The following LGR6 variants were observed in gnomAD, a reference collection of about 807,000 sequenced individuals.
LGR6 encodes the protein leucine rich repeat containing G protein-coupled receptor 6, also known as leucine-rich repeat-containing G protein-coupled receptor 6.
Under a neutral mutation model 69.4 loss-of-function variants are expected in LGR6, and 45 were observed. That is an observed-to-expected ratio of 0.65 (90% confidence interval 0.51 to 0.83). LGR6 has a LOEUF of 0.83. LGR6 is among the 40% of genes least tolerant of loss of function. The pLI is 0.00. For synonymous variants in LGR6, 538 were observed against 555.0 expected, an observed-to-expected ratio of 0.97 and a Z score of 0.43; for missense variants, 1,108 against 1,246.7, an observed-to-expected ratio of 0.89 and a Z score of 1.68.
intron 6 of LGR6, 89 bp from the exon 7 acceptor site, chr1:202,297,419 C>T (rs788827): frequency 0.62 from 670,265 of 1,075,230 alleles, 211,174 homozygotes; most frequent in East Asian, 0.74. Context: ...TCTCCCTGGC[C>T]AAGCCCAGAG....
intron 1 of LGR6, chr1:202,203,672 T>A: frequency 1.3e-6 from 1 of 742,074 alleles, no homozygotes; most frequent in African/African-American, 1.8e-5. Flanking sequence ...TGACCTGTTG[T>A]AGGAAGTGAG....
chr1:202,318,492 TG>T lies in LGR6; in HGVS notation c.2192del (p.Gly731AlafsTer7). 1 of 1,613,954 alleles carries T rather than the reference TG, an allele frequency of 6.2e-7. No individual in the cohort carries two copies. The highest frequency in any genetic ancestry group is 8.5e-7 in the Non-Finnish European group (1 of 1,179,970). On this transcript the variant is annotated frameshift_variant, in exon 18 of 18. Coordinates refer to ENST00000367278, the MANE Select transcript of LGR6 (RefSeq NM_001017403.2). LOFTEE classifies it low-confidence loss of function (END_TRUNC). ...YAPPEGQPAA[L>X]GFTVALVMMN... is the part of the protein sequence containing the mutation. ...CCACCTGAGGGTCAGCCAGCAGCCC[TG>T]GGCTTCACCGTGGCCCTGGTGATGA... is the stretch of plus-strand genomic sequence containing the variant.
intron 6 of LGR6, among the ~76,000 whole-genome samples, chr1:202,288,606 T>C (rs1030211695): frequency 6.6e-6 from 1 of 152,178 alleles, no homozygotes; most frequent in African/African-American, 2.4e-5. Context: ...CTCCGAGATA[T>C]GCAGTCTCTA....
Position 202,300,831 on chromosome 1 carries a change from CCTGGTGTTGTCTTCCAG to C in LGR6, c.786-17_786-1del. On this transcript the variant is annotated splice_acceptor_variant and splice_polypyrimidine_tract_variant and intron_variant, in intron 7 of 17. Coordinates refer to ENST00000367278, the MANE Select transcript of LGR6 (RefSeq NM_001017403.2). LOFTEE classifies it high-confidence loss of function. The stretch of plus-strand genomic sequence containing the variant: ...ACCTTTCTCCAAATCCTCACTGGTT[CCTGGTGTTGTCTTCCAG>C]GGGGTTCCATAACAACAACATCAAG... 1 of 1,593,246 alleles carries C rather than the reference CCTGGTGTTGTCTTCCAG, an allele frequency of 6.3e-7. No individual in the cohort carries two copies. Among genetic ancestry groups the C allele is most frequent in the Non-Finnish European group, 8.6e-7 (1 of 1,168,518 alleles).
chr1:202,193,882 G>A lies in LGR6; in HGVS notation c.-108G>A. ...CGCCGCCCAATAGAGCCCCTGGGGCGGTCCCCACCGACGGTGCAGCCCGCC... is the reference window on the plus strand; with the variant it reads ...CGCCGCCCAATAGAGCCCCTGGGGCAGTCCCCACCGACGGTGCAGCCCGCC... On this transcript the variant is annotated 5_prime_UTR_variant, in exon 1 of 18. Coordinates refer to ENST00000367278, the MANE Select transcript of LGR6 (RefSeq NM_001017403.2). 1.7e-6 allele frequency: 1 copy of A among 599,356 alleles called. No individual in the cohort carries two copies. Among genetic ancestry groups the A allele is most frequent in the Non-Finnish European group, 2.3e-6 (1 of 425,734 alleles). 37.1% of individuals were successfully genotyped at this position (599,356 alleles called of 1,614,324 possible). A position where few individuals can be genotyped will look rare whatever the true frequency, so the allele number is the denominator to read the frequency against.
At chr1:202,275,682 G>T (rs1229448078) in intron 4 of LGR6, among the ~76,000 whole-genome samples, 5 of 152,208 alleles carry the variant, frequency 3.3e-5, no homozygotes, top group African/African-American at 1.2e-4. Flanking sequence ...AACAGGTGGT[G>T]CTAGGGATGG....
At chr1:202,254,278 G>A (rs974691451) in intron 4 of LGR6, among the ~76,000 whole-genome samples, 1 of 152,182 alleles carries the variant, frequency 6.6e-6, no homozygotes, top group African/African-American at 2.4e-5. Flanking sequence ...TCCAGAACTG[G>A]CTCCTACCAC....
intron 1 of LGR6, among the ~76,000 whole-genome samples, chr1:202,195,537 G>A (rs1658607967): frequency 6.6e-6 from 1 of 152,206 alleles, no homozygotes; most frequent in Admixed American, 6.5e-5. Context: ...CAGTGCAGTA[G>A]GTGACGGCAG....
At chr1:202,299,259 CA>C (rs940683421) in intron 7 of LGR6, among the ~76,000 whole-genome samples, 1,430 of 67,122 alleles carry the variant, frequency 0.021, 6 homozygotes, top group East Asian at 0.041. Context: ...GACTCTGTCT[CA>C]AAAAAAAAAA....
At chr1:202,269,117 G>A (rs988168764) in intron 4 of LGR6, among the ~76,000 whole-genome samples, 1 of 152,032 alleles carries the variant, frequency 6.6e-6, no homozygotes, top group Non-Finnish European at 1.5e-5. Context: ...TTTTGTCCAG[G>A]CTGGTCTCAA....
chr1:202,200,453 G>A (rs1367823239), intron 1 of LGR6, among the ~76,000 whole-genome samples: 1 of 152,204 alleles, frequency 6.6e-6, no homozygotes, highest in Non-Finnish European at 1.5e-5. Context: ...TTCTTAATGG[G>A]CTATGTGACC....
intron 7 of LGR6, among the ~76,000 whole-genome samples, chr1:202,299,065 A>T (rs1398649739): frequency 6.6e-6 from 1 of 151,134 alleles, no homozygotes; most frequent in Non-Finnish European, 1.5e-5. Context: ...TTCGAGACCA[A>T]CCTGGACAAC....
Position 202,314,809 on chromosome 1 carries a change from G to A in LGR6, c.1575G>A (p.Gln525=). 6.2e-7 allele frequency: 1 copy of A among 1,613,754 alleles called. No individual in the cohort carries two copies. The change falls in exon 17 of 18, where the codon CAG becomes CAA. Residue 525 remains glutamine (Q), a synonymous_variant. Transcript: ENST00000367278. ...CTTTGTCTCTCCTTTCAGATGACCA[G>A]GACCTGGATGAGCTCCAGCTGGAGA... ...LARQAENHYD[Q]DLDELQLEME...
At chr1:202,203,515 C>CT (rs1357722555) in intron 1 of LGR6, among the ~76,000 whole-genome samples, 1 of 152,188 alleles carries the variant, frequency 6.6e-6, no homozygotes, top group Non-Finnish European at 1.5e-5. Context: ...GCCACTTGAA[C>CT]TCCCAGGCTG....
intron 1 of LGR6, among the ~76,000 whole-genome samples, chr1:202,204,543 AAC>A (rs199527824): frequency 2.8e-4 from 21 of 74,106 alleles, no homozygotes; most frequent in African/African-American, 8.5e-4. Context: ...ACCTCCTTCA[AAC>A]ACACACACAC....
rs201444706 is a variant in LGR6 at position 202,204,518 on chromosome 1, C to CA, written c.212+10317_212+10318insA. Among the ~76,000 whole-genome samples, 227 of 74,470 alleles carry CA rather than the reference C, an allele frequency of 3.0e-3. 8 individuals are homozygous for CA. Among genetic ancestry groups the CA allele is most frequent in the Non-Finnish European group, 5.3e-3 (197 of 36,994 alleles). The allele number at this position is 74,470 out of a possible 152,430, so 48.9% of individuals were successfully genotyped here. A position where few individuals can be genotyped will look rare whatever the true frequency, so the allele number is the denominator to read the frequency against. The stretch of plus-strand genomic sequence containing the variant: ...ACACACACCTCCAAACACACACACA[C>CA]CTCCAAACACACACACCTCCTTCAA... On this transcript the variant is annotated intron_variant, in intron 1 of 17. Coordinates refer to ENST00000367278, the MANE Select transcript of LGR6 (RefSeq NM_001017403.2).
Position 202,268,426 on chromosome 1 carries a change from C to T in LGR6, c.429-7880C>T, listed in dbSNP as rs2148131348. 6.6e-6 allele frequency among the ~76,000 whole-genome samples: 1 copy of T among 152,296 alleles called. No homozygotes were observed. The highest frequency in any genetic ancestry group is 6.5e-5 in the Admixed American group (1 of 15,304). On this transcript the variant is annotated intron_variant, in intron 4 of 17. Coordinates refer to ENST00000367278, the MANE Select transcript of LGR6 (RefSeq NM_001017403.2). The surrounding 1 kb of genome is among the most constrained non-coding windows in gnomAD (Gnocchi z 4.4). The stretch of plus-strand genomic sequence containing the variant: ...AACGGCTCCCACGTGGAATATTTTC[C>T]CCACAGAATAACCATTTCCATAGTG...
At chr1:202,202,922 T>C (rs1043268042) in intron 1 of LGR6, among the ~76,000 whole-genome samples, 2 of 151,742 alleles carry the variant, frequency 1.3e-5, no homozygotes, top group African/African-American at 4.8e-5. Context: ...GGCAGAAAGG[T>C]GCTGAGTGTC....
chr1:202,312,015 C>T (rs1653782220), intron 16 of LGR6, among the ~76,000 whole-genome samples: 1 of 152,234 alleles, frequency 6.6e-6, no homozygotes, highest in African/African-American at 2.4e-5. Context: ...GTCTGCTGTA[C>T]ACTCCCTCAG....
Sources: allele counts gnomAD v4.1 joint callset (sites outside exome capture counted in the v4.1 genomes callset), GRCh38; gene constraint gnomAD v4.1.1; non-coding constraint Gnocchi (gnomAD v3.1); transcripts MANE v1.5; gene names NCBI Gene and HGNC (gene_info 2026-07-23, HGNC 2026-07-21).